Variants in LRRC37A2 observed in about 807,000 individuals in gnomAD.
The protein encoded by LRRC37A2 is leucine-rich repeat-containing protein 37A2.
Under a neutral mutation model 68.8 loss-of-function variants are expected in LRRC37A2, and 9 were observed. The observed-to-expected ratio is 0.13, with a 90% CI of 0.08 to 0.23. The LOEUF is 0.23. Ranked by LOEUF, LRRC37A2 falls within the 10% of genes least tolerant of loss-of-function variation. The pLI is 1.00. For missense variants in LRRC37A2, 168 were observed against 950.4 expected, an observed-to-expected ratio of 0.18 and a Z score of 10.82; for synonymous variants, 63 against 367.6, an observed-to-expected ratio of 0.17 and a Z score of 9.48.
At chr17:46,805,403 T>C in the LRRC37A2 span, among the ~76,000 whole-genome samples, 1 of 151,870 alleles carries the variant, frequency 6.6e-6, no homozygotes, top group Admixed American at 6.6e-5. Flanking sequence ...TGAAATCCCA[T>C]CTCTACTAAA....
the LRRC37A2 span, among the ~76,000 whole-genome samples, chr17:46,981,188 GGA>G: frequency 6.6e-6 from 1 of 152,228 alleles, no homozygotes; most frequent in Non-Finnish European, 1.5e-5. Context: ...ATGGCAAATT[GGA>G]GTGAAGGGAT....
At chr17:46,532,107 C>G (rs938551516) in intron 6 of LRRC37A2, among the ~76,000 whole-genome samples, 2 of 150,246 alleles carry the variant, frequency 1.3e-5, no homozygotes, top group African/African-American at 5.0e-5. Context: ...GCACGTTTAT[C>G]AGGCTGCTCT....
At chr17:46,418,214 T>TG in the LRRC37A2 span, among the ~76,000 whole-genome samples, 121 of 49,486 alleles carry the variant, frequency 2.4e-3, 4 homozygotes, top group South Asian at 0.023. Context: ...TGTGTGTGTG[T>TG]TTGTGTGTGT....
At chr17:46,799,999 A>G in the LRRC37A2 span, among the ~76,000 whole-genome samples, 1 of 152,068 alleles carries the variant, frequency 6.6e-6, no homozygotes, top group East Asian at 1.9e-4. Flanking sequence ...TTCCTGGGAG[A>G]TCACAGAGTG....
the LRRC37A2 span, among the ~76,000 whole-genome samples, chr17:46,767,593 C>G: frequency 6.6e-6 from 1 of 152,296 alleles, no homozygotes; most frequent in Admixed American, 6.5e-5. Context: ...AGTGAAAGAA[C>G]AGGAAGTTAC....
the LRRC37A2 span, among the ~76,000 whole-genome samples, chr17:46,666,140 C>G: frequency 1.0e-4 from 15 of 149,744 alleles, no homozygotes; most frequent in East Asian, 1.5e-3. Context: ...TAAAGGGGAA[C>G]TTTGGAAAAT....
the LRRC37A2 span, among the ~76,000 whole-genome samples, chr17:46,716,107 T>C: frequency 6.6e-6 from 1 of 152,174 alleles, no homozygotes; most frequent in Non-Finnish European, 1.5e-5. Context: ...GCAAATAGTT[T>C]TCACATTGTT....
chr17:46,908,668 A>G, the LRRC37A2 span, among the ~76,000 whole-genome samples: 1 of 152,144 alleles, frequency 6.6e-6, no homozygotes, highest in Admixed American at 6.5e-5. Context: ...GAAGCCTGCC[A>G]TGCTGGGAGC....
the LRRC37A2 span, among the ~76,000 whole-genome samples, chr17:46,765,863 T>A: frequency 3.2e-4 from 48 of 152,206 alleles, no homozygotes; most frequent in Non-Finnish European, 6.2e-4. Context: ...AGTTCACAAA[T>A]GAAGAAGCCA....
At chr17:46,970,327 G>A in the LRRC37A2 span, among the ~76,000 whole-genome samples, 1 of 152,042 alleles carries the variant, frequency 6.6e-6, no homozygotes, top group Non-Finnish European at 1.5e-5. Context: ...GATCACCTGA[G>A]GTCAGGAGTT....
the LRRC37A2 span, among the ~76,000 whole-genome samples, chr17:46,778,541 C>T: frequency 6.6e-6 from 1 of 152,088 alleles, no homozygotes; most frequent in African/African-American, 2.4e-5. Flanking sequence ...CACCCTGAGC[C>T]TCCTGCCCGC....
At chr17:46,943,391 G>A in the LRRC37A2 span, among the ~76,000 whole-genome samples, 5 of 152,136 alleles carry the variant, frequency 3.3e-5, no homozygotes, top group Admixed American at 1.3e-4. Flanking sequence ...CTGGTGTTCC[G>A]TCCTCCCTGG....
At chr17:46,830,897 C>T in the LRRC37A2 span, 275,743 of 397,066 alleles carry the variant, frequency 0.69, 97,742 homozygotes, top group East Asian at 1. Flanking sequence ...AGCACCTCTC[C>T]AACACTTGCT....
chr17:46,685,517 C>A, the LRRC37A2 span, among the ~76,000 whole-genome samples: 1 of 151,854 alleles, frequency 6.6e-6, no homozygotes, highest in South Asian at 2.1e-4. Context: ...ATAGAACAGC[C>A]GCTTTTGAAA....
the LRRC37A2 span, among the ~76,000 whole-genome samples, chr17:46,776,567 G>A: frequency 2.0e-4 from 30 of 152,252 alleles, no homozygotes; most frequent in African/African-American, 5.8e-4. Flanking sequence ...AGAGGTCCCC[G>A]TTGAGCCTCC....
At chr17:46,943,224 T>A in the LRRC37A2 span, among the ~76,000 whole-genome samples, 1 of 152,154 alleles carries the variant, frequency 6.6e-6, no homozygotes, top group Non-Finnish European at 1.5e-5. Flanking sequence ...GATGGAAGCC[T>A]GATTCTCCCT....
At chr17:46,810,510 C>G in the LRRC37A2 span, among the ~76,000 whole-genome samples, 1 of 152,192 alleles carries the variant, frequency 6.6e-6, no homozygotes, top group Non-Finnish European at 1.5e-5. Context: ...GATTATTCCA[C>G]CTGAAGCTCT....
At chr17:46,808,977 G>A in the LRRC37A2 span, among the ~76,000 whole-genome samples, 5 of 152,192 alleles carry the variant, frequency 3.3e-5, no homozygotes, top group Non-Finnish European at 7.3e-5. Context: ...TGGGGTCCGA[G>A]CTGAGCAGCG....
the LRRC37A2 span, among the ~76,000 whole-genome samples, chr17:46,828,514 T>C: frequency 6.6e-6 from 1 of 152,042 alleles, no homozygotes; most frequent in African/African-American, 2.4e-5. Flanking sequence ...GGGCTTCTTT[T>C]TCTTGATTTG....
Sources: gnomAD v4.1 joint callset for allele counts (sites outside exome capture counted in the v4.1 genomes callset) on GRCh38, gnomAD v4.1.1 for gene constraint, MANE v1.5 for transcripts, NCBI Gene and HGNC (gene_info 2026-07-23, HGNC 2026-07-21) for gene names.